The following ASZ1 variants were observed in gnomAD, a reference collection of about 807,000 sequenced individuals.
ASZ1 encodes ankyrin repeat, SAM and basic leucine zipper domain containing 1.
ASZ1 carries 67 observed loss-of-function variants against 61.8 expected under a neutral mutation model. The ratio of observed to expected loss-of-function variants is 1.08; its 90% CI spans 0.89 to 1.33. ASZ1 has a LOEUF of 1.33. Ranked by LOEUF, ASZ1 falls within the 40% of genes most tolerant of loss-of-function variation. ASZ1 has a pLI of 0.00. For synonymous variants in ASZ1, 193 were observed against 192.7 expected, an observed-to-expected ratio of 1.00 and a Z score of -0.01; for missense variants, 577 against 554.5, an observed-to-expected ratio of 1.04 and a Z score of -0.41.
At chr7:117,385,175 C>A (rs1478848418) in intron 5 of ASZ1, among the ~76,000 whole-genome samples, 1 of 151,728 alleles carries the variant, frequency 6.6e-6, no homozygotes, top group Non-Finnish European at 1.5e-5. Flanking sequence ...ATTTTAGAGC[C>A]CAGATTTTGC....
At position 117,379,955 on chromosome 7, in the gene ASZ1, C is replaced by T. The variant is rs1209505441; in HGVS notation, c.1038G>A (p.Glu346=). ...AATTTTACCTGATTTCCAACTTTGT[C>T]TCTTCAGATAGCTCTCCAAATTGTA... ...EEIQFGELSE[E]TKLEISGDEF... The change falls in exon 10 of 13, where the codon GAG becomes GAA. Residue 346 remains glutamate (E), a synonymous_variant. Coordinates refer to ENST00000284629, the MANE Select transcript of ASZ1 (RefSeq NM_130768.3). 10 of 1,594,904 alleles carry T rather than the reference C, an allele frequency of 6.3e-6. 1 individual carries two copies. Among genetic ancestry groups the T allele is most frequent in the Non-Finnish European group, 8.6e-6 (10 of 1,166,174 alleles).
At chr7:117,400,011 A>G (rs572297440) in intron 4 of ASZ1, among the ~76,000 whole-genome samples, 1 of 152,306 alleles carries the variant, frequency 6.6e-6, no homozygotes, top group South Asian at 2.1e-4. Flanking sequence ...TTTCCACTAG[A>G]GGGCATTCAA....
At position 117,384,869 on chromosome 7, in the gene ASZ1, AG is replaced by A. The variant is rs776245342; in HGVS notation, c.553-10del. 5 of 1,559,732 alleles carry A rather than the reference AG, an allele frequency of 3.2e-6. No homozygotes were observed. The highest frequency in any genetic ancestry group is 4.3e-6 in the Non-Finnish European group (5 of 1,160,172). On this transcript the variant is annotated splice_polypyrimidine_tract_variant and intron_variant, in intron 5 of 12. Transcript: ENST00000284629. ...GCTGCCCACGTTAAAGCCTGTAAGT[AG>A]GGGGAAAAGAAGATTGTTTAAAGAG...
At chr7:117,395,381 A>G (rs749775756) in intron 4 of ASZ1, among the ~76,000 whole-genome samples, 45 of 152,124 alleles carry the variant, frequency 3.0e-4, no homozygotes, top group Admixed American at 1.7e-3. Flanking sequence ...AATTTTTAGA[A>G]TCATTTCATC....
rs565255827 is a variant in ASZ1, at chr7:117,408,208, G to A, written c.440+11955C>T. 2.0e-4 allele frequency among the ~76,000 whole-genome samples: 31 copies of A among 152,106 alleles called. No individual in the cohort carries two copies. In the South Asian group the frequency reaches 3.5e-3, roughly 17 times the overall value. ...ATCATGTCTTGGTCTTTCTGCCTCCGTCCCCCACAACCAGTCATCTCATTA... is the reference window on the plus strand; with the variant it reads ...ATCATGTCTTGGTCTTTCTGCCTCCATCCCCCACAACCAGTCATCTCATTA... On this transcript the variant is annotated intron_variant, in intron 4 of 12. Coordinates refer to ENST00000284629, the MANE Select transcript of ASZ1 (RefSeq NM_130768.3).
chr7:117,387,244 G>A (rs1444840363), intron 4 of ASZ1, among the ~76,000 whole-genome samples: 1 of 151,524 alleles, frequency 6.6e-6, no homozygotes, highest in African/African-American at 2.4e-5. Flanking sequence ...GGAGATCAAG[G>A]CTTCAGTGAG....
At position 117,363,832 on chromosome 7, in the gene ASZ1, A is replaced by C; in HGVS notation, c.1276-84T>G. On this transcript the variant is annotated intron_variant, in intron 12 of 12. Transcript: ENST00000284629. ...TTTTGATTTTAAAAAATATCATAAT[A>C]TCCATGTTAATTCATTTCACTTGAT... 3 of 1,104,478 alleles carry C rather than the reference A, an allele frequency of 2.7e-6. No individual in the cohort carries two copies. In the African/African-American group the frequency reaches 4.9e-5, roughly 18 times the overall value. 68.4% of individuals were successfully genotyped at this position (1,104,478 alleles called of 1,614,324 possible). A position where few individuals can be genotyped will look rare whatever the true frequency, so the allele number is the denominator to read the frequency against.
At chr7:117,410,169 A>G (rs886797230) in intron 4 of ASZ1, among the ~76,000 whole-genome samples, 2 of 151,734 alleles carry the variant, frequency 1.3e-5, no homozygotes, top group African/African-American at 4.8e-5. Flanking sequence ...CCATTTTTTT[A>G]GAAACTTGTT....
intron 4 of ASZ1, among the ~76,000 whole-genome samples, chr7:117,411,469 A>C (rs1056979654): frequency 1.3e-5 from 2 of 151,864 alleles, no homozygotes; most frequent in Admixed American, 6.6e-5. Context: ...TTCAAACCAC[A>C]AAGCCTAACA....
At chr7:117,380,986 G>A (rs771393711) in intron 9 of ASZ1, 25 bp downstream of exon 9, 21 of 1,535,594 alleles carry the variant, frequency 1.4e-5, no homozygotes, top group Middle Eastern at 1.8e-4. Flanking sequence ...ACAATGTATC[G>A]GGAATTTTTG....
At chr7:117,399,035 A>G (rs2116497610) in intron 4 of ASZ1, among the ~76,000 whole-genome samples, 1 of 152,206 alleles carries the variant, frequency 6.6e-6, no homozygotes, top group Non-Finnish European at 1.5e-5. Context: ...TCGAAACCAG[A>G]CTGGGCAACA....
rs1347016465 is a variant in ASZ1 at position 117,382,057 on chromosome 7, A to T, written c.888+12T>A. 6.6e-7 allele frequency: 1 copy of T among 1,510,554 alleles called. No individual in the cohort carries two copies. Among genetic ancestry groups the T allele is most frequent in the Non-Finnish European group, 9.2e-7 (1 of 1,087,994 alleles). The allele number at this position is 1,510,554 out of a possible 1,614,324, so 93.6% of individuals were successfully genotyped here. On this transcript the variant is annotated intron_variant, in intron 8 of 12. Transcript: ENST00000284629. ...ATATGCATAACTCACTGTAGGTTAT[A>T]TAAGATCTTACCTTTAGTAAATCTG...
chr7:117,379,354 C>A (rs1202256263), intron 10 of ASZ1, among the ~76,000 whole-genome samples: 1 of 151,066 alleles, frequency 6.6e-6, no homozygotes, highest in Non-Finnish European at 1.5e-5. Flanking sequence ...TGAAATATCC[C>A]AATAATCTAT....
intron 10 of ASZ1, 130 bp downstream of exon 10, chr7:117,379,808 C>G (rs1796215265): frequency 1.8e-6 from 1 of 557,918 alleles, no homozygotes. Flanking sequence ...AACACAGTAT[C>G]TTCCAAAATC....
At chr7:117,425,847 G>A (rs1244146239) in intron 2 of ASZ1, among the ~76,000 whole-genome samples, 4 of 151,872 alleles carry the variant, frequency 2.6e-5, no homozygotes. Flanking sequence ...AAAATTAGCT[G>A]GGCTTGGTGA....
chr7:117,412,824 AACG>A (rs1037009997), intron 4 of ASZ1, among the ~76,000 whole-genome samples: 10 of 151,840 alleles, frequency 6.6e-5, no homozygotes, highest in Non-Finnish European at 1.5e-5. Context: ...ACTAGGGGGA[AACG>A]CACAATTTCT....
chr7:117,394,575 A>G lies in ASZ1; in HGVS notation c.441-8766T>C, dbSNP rs895179274. Among the ~76,000 whole-genome samples the G allele has an allele frequency of 5.6e-4, 86 of 152,254 alleles. 1 individual carries two copies. Among genetic ancestry groups the G allele is most frequent in the Middle Eastern group, 3.4e-3 (1 of 294 alleles). Reference sequence around the variant, plus strand: ...TTCAGTGATTCTTTCAATCCTACCAATTTGTCTTCAGTTGGGAAACATTCT... The same window carrying G: ...TTCAGTGATTCTTTCAATCCTACCAGTTTGTCTTCAGTTGGGAAACATTCT... On this transcript the variant is annotated intron_variant, in intron 4 of 12. Coordinates refer to ENST00000284629, the MANE Select transcript of ASZ1 (RefSeq NM_130768.3).
intron 10 of ASZ1, among the ~76,000 whole-genome samples, chr7:117,375,073 G>C (rs1259801860): frequency 6.6e-6 from 1 of 151,994 alleles, no homozygotes. Context: ...GAATTTCATA[G>C]GCTGGTTATA....
chr7:117,426,306 CCTCT>C lies in ASZ1; in HGVS notation c.205+526_205+529del, dbSNP rs201881373. 5.1e-3 allele frequency among the ~76,000 whole-genome samples: 750 copies of C among 147,552 alleles called. 5 individuals are homozygous for C. Among genetic ancestry groups the C allele is most frequent in the African/African-American group, 0.016 (638 of 40,022 alleles). On this transcript the variant is annotated intron_variant, in intron 2 of 12. Coordinates refer to ENST00000284629, the MANE Select transcript of ASZ1 (RefSeq NM_130768.3). Reference sequence around the variant, plus strand: ...ACTATCCTGGCTAACACGGTGAAACCCTCTCTCTATTAAAAATACAAAAAAAAAA... The same window carrying C: ...ACTATCCTGGCTAACACGGTGAAACCCTCTATTAAAAATACAAAAAAAAAA...
Sources: allele counts gnomAD v4.1 joint callset (sites outside exome capture counted in the v4.1 genomes callset), GRCh38; gene constraint gnomAD v4.1.1; transcripts MANE v1.5; gene names NCBI Gene and HGNC (gene_info 2026-07-23, HGNC 2026-07-21).